VAV3: variants seen among roughly 807,000 people sequenced by gnomAD.
VAV3 encodes the protein vav guanine nucleotide exchange factor 3.
A neutral mutation model predicts 131.2 loss-of-function variants in VAV3; 94 were observed. The observed-to-expected ratio is 0.72, with a 90% CI of 0.61 to 0.85. The LOEUF (loss-of-function observed/expected upper bound fraction) is 0.85, where lower values mean the gene tolerates loss of function less well. Among genes scored for constraint, VAV3 ranks in the 40% least tolerant of loss-of-function variants. VAV3 has a pLI of 0.00. For synonymous variants in VAV3, 349 were observed against 342.0 expected, an observed-to-expected ratio of 1.02 and a Z score of -0.22; for missense variants, 939 against 1,002.7, an observed-to-expected ratio of 0.94 and a Z score of 0.86.
chr1:107,583,268 A>G (rs1462907666), intron 25 of VAV3, among the ~76,000 whole-genome samples: 1 of 152,132 alleles, frequency 6.6e-6, no homozygotes, highest in Non-Finnish European at 1.5e-5. Context: ...TTGTTTGAGT[A>G]AGAGCTATCT....
chr1:107,637,887 AT>A (rs1354694164), intron 20 of VAV3, among the ~76,000 whole-genome samples: 1 of 152,216 alleles, frequency 6.6e-6, no homozygotes, highest in Non-Finnish European at 1.5e-5. Flanking sequence ...GCCACTTGGG[AT>A]TTAATCATAG....
chr1:107,779,925 G>A (rs1487827087), intron 2 of VAV3, among the ~76,000 whole-genome samples: 15 of 152,142 alleles, frequency 9.9e-5, no homozygotes, highest in Non-Finnish European at 7.4e-5. Flanking sequence ...AGTTGCACTA[G>A]CCACATTTTA....
Position 107,722,838 on chromosome 1 carries a change from C to CTTTTTT in VAV3, c.1503-17778_1503-17777insAAAAAA, listed in dbSNP as rs144189947. Among the ~76,000 whole-genome samples the CTTTTTT allele has an allele frequency of 7.9e-4, 20 of 25,270 alleles. No individual in the cohort carries two copies. The Admixed American group carries it at 8.3e-3, about 10-fold the overall frequency. 16.6% of individuals were successfully genotyped at this position (25,270 alleles called of 152,430 possible). On this transcript the variant is annotated intron_variant, in intron 15 of 26. Transcript: ENST00000370056. ...TAGTGTCAGAAAGCCCTATTATCCT[C>CTTTTTT]TCTTTTTTTTTTTTTTTGTACGCTT...
intron 3 of VAV3, among the ~76,000 whole-genome samples, chr1:107,779,034 C>T (rs1665531934): frequency 6.6e-6 from 1 of 152,036 alleles, no homozygotes; most frequent in Non-Finnish European, 1.5e-5. Context: ...ATTTCTTAAA[C>T]TCCTAAAAGC....
At chr1:107,784,003 T>G (rs1450579513) in intron 2 of VAV3, among the ~76,000 whole-genome samples, 2 of 151,618 alleles carry the variant, frequency 1.3e-5, no homozygotes, top group African/African-American at 4.8e-5. Flanking sequence ...GGGCTTGCAG[T>G]GAGCTGAGAT....
At chr1:107,806,959 T>C (rs938543827) in intron 2 of VAV3, among the ~76,000 whole-genome samples, 8 of 152,214 alleles carry the variant, frequency 5.3e-5, no homozygotes, top group Admixed American at 2.6e-4. Flanking sequence ...TAAATGTAAA[T>C]ACTATGTAAA....
At chr1:107,875,220 T>G (rs1349067035) in intron 1 of VAV3, among the ~76,000 whole-genome samples, 1 of 152,158 alleles carries the variant, frequency 6.6e-6, no homozygotes, top group East Asian at 1.9e-4. Context: ...CAAGGCAATT[T>G]CTACCCTCAT....
Position 107,596,230 on chromosome 1 carries a change from T to C in VAV3, c.2332A>G (p.Asn778Asp). ...EPEHSAGQRG[N>D]RAGNSLLSPK... ...TACTTACAGCTGTTGCCTGCTCTAT[T>C]ACCCCTCTGTCCAGCTGAATGTTCT... Residue 778 changes from asparagine (N) to aspartate (D), a missense_variant, in exon 25 of 27, where the codon AAT (asparagine) becomes GAT (aspartate). By Grantham distance (23) the Asn-to-Asp change is conservative. Transcript: ENST00000370056. 6.2e-7 allele frequency: 1 copy of C among 1,613,416 alleles called. No individual in the cohort carries two copies. Among genetic ancestry groups the C allele is most frequent in the East Asian group, 2.2e-5 (1 of 44,850 alleles).
At chr1:107,750,850 G>A (rs1305923110) in intron 13 of VAV3, among the ~76,000 whole-genome samples, 3 of 151,702 alleles carry the variant, frequency 2.0e-5, no homozygotes, top group Non-Finnish European at 4.4e-5. Flanking sequence ...TTACTTTATC[G>A]CTCTTCTCAT....
At chr1:107,612,984 T>G (rs1316884190) in intron 21 of VAV3, among the ~76,000 whole-genome samples, 1 of 152,172 alleles carries the variant, frequency 6.6e-6, no homozygotes, top group Non-Finnish European at 1.5e-5. Context: ...AATCTTCTCC[T>G]GGGCAGTGCC....
chr1:107,696,195 T>C (rs902484817), intron 17 of VAV3, among the ~76,000 whole-genome samples: 1 of 152,178 alleles, frequency 6.6e-6, no homozygotes, highest in Non-Finnish European at 1.5e-5. Flanking sequence ...CACATATTTA[T>C]GGGGTACAGT....
intron 19 of VAV3, among the ~76,000 whole-genome samples, chr1:107,674,976 C>G (rs1316546687): frequency 6.6e-6 from 1 of 152,140 alleles, no homozygotes; most frequent in Non-Finnish European, 1.5e-5. Context: ...AGTTCACAGT[C>G]CAAAAGGAAT....
chr1:107,853,492 TC>T (rs1669323386), intron 2 of VAV3, among the ~76,000 whole-genome samples: 1 of 152,144 alleles, frequency 6.6e-6, no homozygotes, highest in Non-Finnish European at 1.5e-5. Flanking sequence ...ACACAAGTTT[TC>T]CATTTTCATA....
intron 15 of VAV3, among the ~76,000 whole-genome samples, chr1:107,729,431 G>T (rs996707208): frequency 2.0e-5 from 3 of 152,078 alleles, no homozygotes; most frequent in Non-Finnish European, 4.4e-5. Context: ...AAAGTCTATA[G>T]TTTGGGGTTA....
intron 1 of VAV3, among the ~76,000 whole-genome samples, chr1:107,915,387 T>C (rs1237144477): frequency 2.6e-5 from 4 of 152,168 alleles, no homozygotes; most frequent in African/African-American, 9.7e-5. Flanking sequence ...TAATTTCTGA[T>C]AAACCAGGTG....
At chr1:107,947,637 T>G (rs1185391941) in intron 1 of VAV3, among the ~76,000 whole-genome samples, 2 of 152,334 alleles carry the variant, frequency 1.3e-5, no homozygotes, top group Non-Finnish European at 2.9e-5. Flanking sequence ...CCACAGCCAT[T>G]CACCTAATGG....
At chr1:107,704,528 T>G (rs1218546821) in intron 17 of VAV3, 22 bp downstream of exon 17, 2 of 1,589,920 alleles carry the variant, frequency 1.3e-6, no homozygotes, top group Admixed American at 1.7e-5. Context: ...AAAACAGAAT[T>G]GCAACAATAA....
At chr1:107,724,839 A>G (rs1004236833) in intron 15 of VAV3, among the ~76,000 whole-genome samples, 1 of 151,582 alleles carries the variant, frequency 6.6e-6, no homozygotes, top group East Asian at 2.0e-4. Context: ...GTGGGGGGAA[A>G]AAAAAAAGGC....
At chr1:107,609,556 A>AAAT (rs1303847261) in intron 22 of VAV3, 2 of 158,648 alleles carry the variant, frequency 1.3e-5, no homozygotes, top group Admixed American at 6.4e-5. Flanking sequence ...AAAATAAAAA[A>AAAT]AAAAACTACT....
Sources: gnomAD v4.1 joint callset for allele counts (sites outside exome capture counted in the v4.1 genomes callset) on GRCh38, gnomAD v4.1.1 for gene constraint, MANE v1.5 for transcripts, NCBI Gene and HGNC (gene_info 2026-07-23, HGNC 2026-07-21) for gene names.